ASAP3: variants seen among roughly 807,000 people sequenced by gnomAD.
ASAP3 encodes the protein ArfGAP with SH3 domain, ankyrin repeat and PH domain 3.
In ASAP3, 85 loss-of-function variants were observed where a neutral mutation model predicts 118.2. That is an observed-to-expected ratio of 0.72 (90% confidence interval 0.60 to 0.86). The LOEUF (loss-of-function observed/expected upper bound fraction) is 0.86, where lower values mean the gene tolerates loss of function less well. Ranked by LOEUF, ASAP3 falls within the 40% of genes least tolerant of loss-of-function variation. The pLI is 0.00. For synonymous variants in ASAP3, 432 were observed against 477.4 expected, an observed-to-expected ratio of 0.90 and a Z score of 1.24; for missense variants, 1,026 against 1,175.0, an observed-to-expected ratio of 0.87 and a Z score of 1.85.
At chr1:23,463,176 A>G (rs546102700) in intron 1 of ASAP3, among the ~76,000 whole-genome samples, 17 of 152,352 alleles carry the variant, frequency 1.1e-4, no homozygotes, top group African/African-American at 3.6e-4. Context: ...GTGGGGACAC[A>G]TAAGACATGG....
At chr1:23,445,775 C>T (rs1165886633) in intron 5 of ASAP3, among the ~76,000 whole-genome samples, 2 of 152,046 alleles carry the variant, frequency 1.3e-5, no homozygotes, top group Non-Finnish European at 2.9e-5. Context: ...GAGTTCAAGA[C>T]CAGCCTAGGC....
rs1308991606 is a variant in ASAP3 at position 23,433,694 on chromosome 1, C to T, written c.1952-1G>A. On this transcript the variant is annotated splice_acceptor_variant, in intron 19 of 24. Transcript: ENST00000336689. LOFTEE classifies it high-confidence loss of function. ...AGAGCTGTCTCGCCTGCTTCATTTA[C>T]TGTGAGCGGGGAAAGTCAGGGTTCA... The T allele has an allele frequency of 1.9e-6, 3 of 1,614,064 alleles. No individual in the cohort carries two copies. Among genetic ancestry groups the T allele is most frequent in the African/African-American group, 1.3e-5 (1 of 74,932 alleles).
intron 5 of ASAP3, among the ~76,000 whole-genome samples, chr1:23,450,609 A>T (rs1366498427): frequency 1.4e-5 from 2 of 148,052 alleles, no homozygotes; most frequent in Admixed American, 6.7e-5. Context: ...CAGACCTTGT[A>T]AAAAAAAAAA....
intron 1 of ASAP3, among the ~76,000 whole-genome samples, chr1:23,467,173 C>CATTATTATT (rs60663868): frequency 0.032 from 4,730 of 148,296 alleles, 251 homozygotes; most frequent in African/African-American, 0.11. Context: ...CCATTACAGC[C>CATTATTATT]ATTATTATTA....
At chr1:23,483,887 G>C in intron 1 of ASAP3, 118 bp downstream of exon 1, 7 of 1,075,574 alleles carry the variant, frequency 6.5e-6, no homozygotes, top group Non-Finnish European at 8.3e-6. Flanking sequence ...CAGACCTAGG[G>C]AGGGGGCAGG....
At chr1:23,484,186 C>A, upstream of ASAP3, 1 of 1,221,828 alleles carries the variant, frequency 8.2e-7, no homozygotes, top group East Asian at 3.3e-5. Flanking sequence ...CACTGAGCTG[C>A]TCCGCGCTGA....
intron 1 of ASAP3, among the ~76,000 whole-genome samples, chr1:23,476,862 C>T (rs1188047049): frequency 3.3e-5 from 5 of 152,014 alleles, no homozygotes; most frequent in Non-Finnish European, 7.4e-5. Flanking sequence ...TATGAATGCT[C>T]CTTTTTAGTT....
At chr1:23,440,652 C>G (rs1380945760) in intron 10 of ASAP3, among the ~76,000 whole-genome samples, 2 of 147,756 alleles carry the variant, frequency 1.4e-5, no homozygotes, top group South Asian at 4.3e-4. Context: ...GTCAGGAGAT[C>G]GAGACCATCC....
intron 1 of ASAP3, among the ~76,000 whole-genome samples, chr1:23,477,077 C>T (rs1336893393): frequency 1.3e-5 from 2 of 151,480 alleles, no homozygotes; most frequent in East Asian, 4.0e-4. Context: ...AGTACAATGG[C>T]GTGACCTGGG....
intron 6 of ASAP3, 109 bp downstream of exon 6, chr1:23,442,392 A>G: frequency 6.3e-7 from 1 of 1,583,754 alleles, no homozygotes; most frequent in Non-Finnish European, 8.6e-7. Flanking sequence ...GTGACATCCC[A>G]CAGGGCCATG....
intron 5 of ASAP3, among the ~76,000 whole-genome samples, chr1:23,444,855 GT>G (rs540059448): frequency 1.7e-4 from 26 of 152,058 alleles, no homozygotes; most frequent in Admixed American, 6.5e-4. Context: ...GGGCTGCCTG[GT>G]GGTTTGTATG....
intron 17 of ASAP3, 33 bp from the exon 18 acceptor site, chr1:23,434,651 C>G (rs374305896): frequency 5.9e-5 from 95 of 1,597,284 alleles, no homozygotes; most frequent in Middle Eastern, 1.7e-4. Flanking sequence ...GAGATTCCCC[C>G]CCCAGTGCAC....
rs1210853 is a variant in ASAP3 at position 23,432,025 on chromosome 1, G to A, written c.2324-107C>T. 0.021 allele frequency: 15,083 copies of A among 718,750 alleles called. 1,527 individuals are homozygous for A. In the African/African-American group the frequency reaches 0.32, roughly 15 times the overall value. 44.5% of individuals were successfully genotyped at this position (718,750 alleles called of 1,614,324 possible). A position where few individuals can be genotyped will look rare whatever the true frequency, so the allele number is the denominator to read the frequency against. Reference sequence around the variant, plus strand: ...TAGGATTTTTTTTTTTTTTTTTTTTGAGACAGAGTCTCACTCTGTCACCCA... The same window carrying A: ...TAGGATTTTTTTTTTTTTTTTTTTTAAGACAGAGTCTCACTCTGTCACCCA... On this transcript the variant is annotated intron_variant, in intron 22 of 24. Coordinates refer to ENST00000336689, the MANE Select transcript of ASAP3 (RefSeq NM_017707.4).
intron 1 of ASAP3, among the ~76,000 whole-genome samples, chr1:23,478,349 C>T (rs1287995491): frequency 6.6e-6 from 1 of 152,148 alleles, no homozygotes. Context: ...CCTGTAATCC[C>T]AGCTACTCGG....
Position 23,434,536 on chromosome 1 carries a change from T to C in ASAP3, c.1832A>G (p.Asn611Ser), listed in dbSNP as rs754228983. 2 of 1,614,026 alleles carry C rather than the reference T, an allele frequency of 1.2e-6. No individual in the cohort carries two copies. The highest frequency in any genetic ancestry group is 1.7e-6 in the Non-Finnish European group (2 of 1,179,956). ...AGACAGGCAGGGAGGCTCTCACCCG[T>C]TCTGGATGATGAAATCCACCAGAGG... ...SLPLVDFIIQ[N>S]GGHLDAKAAD... is the part of the protein sequence containing the mutation. Residue 611 changes from asparagine (N) to serine (S), a missense_variant, in exon 18 of 25, where the codon AAC (asparagine) becomes AGC (serine). Transcript: ENST00000336689.
intron 1 of ASAP3, among the ~76,000 whole-genome samples, chr1:23,470,222 G>A (rs887458386): frequency 3.9e-5 from 6 of 152,224 alleles, no homozygotes; most frequent in South Asian, 2.1e-4. Flanking sequence ...AGGCCAAAGC[G>A]CTAGGACACA....
intron 5 of ASAP3, among the ~76,000 whole-genome samples, chr1:23,449,782 A>G (rs1641158076): frequency 6.6e-6 from 1 of 152,178 alleles, no homozygotes; most frequent in Non-Finnish European, 1.5e-5. Context: ...AACTAAATGG[A>G]GTCTGGCCTG....
At position 23,435,882 on chromosome 1, in the gene ASAP3, A is replaced by G. The variant is rs1392979876; in HGVS notation, c.1718T>C (p.Phe573Ser). 4 of 1,614,248 alleles carry G rather than the reference A, an allele frequency of 2.5e-6. No individual in the cohort carries two copies. The highest frequency in any genetic ancestry group is 3.4e-6 in the Non-Finnish European group (4 of 1,180,052). The stretch of plus-strand genomic sequence containing the variant: ...ATCAGGCCCTGGCAGCGGCTGTCCA[A>G]AGTCCTGCCCATTGGCAAAGGCCTC... ...VLEAFANGQD[F>S]GQPLPGPDAQ... Residue 573 changes from phenylalanine to serine, a missense_variant, in exon 17 of 25, where the codon TTT becomes TCT. Phe to Ser is a radical substitution (Grantham distance 155). Transcript: ENST00000336689.
At chr1:23,467,070 G>A (rs1641795160) in intron 1 of ASAP3, among the ~76,000 whole-genome samples, 1 of 151,806 alleles carries the variant, frequency 6.6e-6, no homozygotes, top group Non-Finnish European at 1.5e-5. Context: ...CACCATGTTG[G>A]CCAGGCTGGT....
Sources: allele counts gnomAD v4.1 joint callset (sites outside exome capture counted in the v4.1 genomes callset), GRCh38; gene constraint gnomAD v4.1.1; transcripts MANE v1.5; gene names NCBI Gene and HGNC (gene_info 2026-07-23, HGNC 2026-07-21).